Variants in SBSPON observed in about 807,000 individuals in gnomAD.
The protein encoded by SBSPON is somatomedin-B and thrombospondin type-1 domain-containing protein.
In SBSPON, 30 loss-of-function variants were observed where a neutral mutation model predicts 35.8. That is an observed-to-expected ratio of 0.84 (90% CI 0.63 to 1.14). The LOEUF (loss-of-function observed/expected upper bound fraction) is 1.14. Ranked by LOEUF, SBSPON falls within the 50% of genes most tolerant of loss-of-function variation. SBSPON has a pLI of 0.00. For missense variants in SBSPON, 364 were observed against 357.7 expected (o/e 1.02, Z -0.14); for synonymous variants, 136 against 135.9 (o/e 1.00, Z 0.00).
intron 2 of SBSPON, among the ~76,000 whole-genome samples, chr8:73,075,125 T>G (rs181957625): frequency 2.0e-5 from 3 of 152,342 alleles, no homozygotes. Context: ...TCCTTCTGCC[T>G]TGGCTTCCCA....
At chr8:73,072,065 G>C (rs1002124450) in intron 2 of SBSPON, among the ~76,000 whole-genome samples, 195 bp from the exon 3 acceptor site, 1 of 152,190 alleles carries the variant, frequency 6.6e-6, no homozygotes, top group African/African-American at 2.4e-5. Flanking sequence ...TAGGGAGGGG[G>C]CCTGCAGGCC....
rs201734206 is a variant in SBSPON, at chr8:73,071,865, C to T, written c.415G>A (p.Ala139Thr). 1.0e-4 allele frequency: 160 copies of T among 1,602,116 alleles called. No individual in the cohort carries two copies. Among genetic ancestry groups the T allele is most frequent in the Non-Finnish European group, 1.1e-4 (134 of 1,169,316 alleles). ...TTGAATGCAGAGGTAGTTATAAAGGCAGGAACTGGAAAAGGGAGATTTCTG... is the reference window on the plus strand; with the variant it reads ...TTGAATGCAGAGGTAGTTATAAAGGTAGGAACTGGAAAAGGGAGATTTCTG... ...GQDCGHTYVP[A>T]FITTSAFNKE... The change falls in exon 3 of 5, where the codon GCC becomes ACC. Residue 139 changes from alanine (A) to threonine (T), a missense_variant. Physicochemically the swap from Ala to Thr is moderately conservative, Grantham distance 58 (BLOSUM62 0). Coordinates refer to ENST00000297354, the MANE Select transcript of SBSPON (RefSeq NM_153225.4).
Position 73,065,411 on chromosome 8 carries a change from GT to G in SBSPON, c.*1929del, listed in dbSNP as rs1436081096. 1 of 152,054 alleles carries G rather than the reference GT, an allele frequency of 6.6e-6. No individual in the cohort carries two copies. The highest frequency in any genetic ancestry group is 1.5e-5 in the Non-Finnish European group (1 of 68,014). 9.4% of individuals were successfully genotyped at this position (152,054 alleles called of 1,614,324 possible). A position where few individuals can be genotyped will look rare whatever the true frequency, so the allele number is the denominator to read the frequency against. On this transcript the variant is annotated 3_prime_UTR_variant, in exon 5 of 5. Transcript: ENST00000297354. Reference sequence around the variant, plus strand: ...TCTCTGACTGGTCCAGAAAATTTGGGTTATTTTCTAGTCAAACAAATATAGA... The same window carrying G: ...TCTCTGACTGGTCCAGAAAATTTGGGTATTTTCTAGTCAAACAAATATAGA...
In SBSPON at chr8:73,092,876, G is replaced by C. The variant is rs377697367; in HGVS notation, c.192C>G (p.Phe64Leu). 5 of 1,611,694 alleles carry C rather than the reference G, an allele frequency of 3.1e-6. No homozygotes were observed. Among genetic ancestry groups the C allele is most frequent in the African/African-American group, 1.3e-5 (1 of 74,756 alleles). Reference protein sequence around the residue: ...QACRFTGDCCFDYDRACPARP... With the variant: ...QACRFTGDCCLDYDRACPARP... ...CACCTGGGCACGCCCTGTCGTAGTC[G>C]AAGCAGCAGTCCCCGGTGAAGCGAC... The change falls in exon 1 of 5, where the codon TTC becomes TTG. Residue 64 changes from phenylalanine (F) to leucine (L), a missense_variant. Phe to Leu is a conservative substitution (Grantham distance 22). Transcript: ENST00000297354.
At chr8:73,085,729 G>A (rs945185586) in intron 1 of SBSPON, 6 of 152,136 alleles carry the variant, frequency 3.9e-5, no homozygotes, top group African/African-American at 1.4e-4. Flanking sequence ...TTTTCTAGGT[G>A]ATGTCAAATA....
rs1810376962 is a variant in SBSPON, at chr8:73,065,744, A to G, written c.*1597T>C. 6.6e-6 allele frequency: 1 copy of G among 152,128 alleles called. No individual in the cohort carries two copies. Among genetic ancestry groups the G allele is most frequent in the Admixed American group, 6.5e-5 (1 of 15,272 alleles). 9.4% of individuals were successfully genotyped at this position (152,128 alleles called of 1,614,324 possible). A position where few individuals can be genotyped will look rare whatever the true frequency, so the allele number is the denominator to read the frequency against. Reference sequence around the variant, plus strand: ...CAGTGAGCCGAGATGGGGCCACTGCACTCCAGCCTGGGCAACAGAGTGAGA... The same window carrying G: ...CAGTGAGCCGAGATGGGGCCACTGCGCTCCAGCCTGGGCAACAGAGTGAGA... On this transcript the variant is annotated 3_prime_UTR_variant, in exon 5 of 5. Transcript: ENST00000297354.
At chr8:73,087,750 G>T (rs954071265) in intron 1 of SBSPON, among the ~76,000 whole-genome samples, 1 of 152,146 alleles carries the variant, frequency 6.6e-6, no homozygotes, top group African/African-American at 2.4e-5. Context: ...AGCCCATATA[G>T]GCTATTCAAT....
chr8:73,069,173 C>T (rs1810446006), intron 4 of SBSPON, among the ~76,000 whole-genome samples: 1 of 152,176 alleles, frequency 6.6e-6, no homozygotes, highest in Non-Finnish European at 1.5e-5. Flanking sequence ...GGAATCTGCA[C>T]ATTTTACATC....
chr8:73,077,636 C>A (rs1241392937), intron 2 of SBSPON, among the ~76,000 whole-genome samples: 2 of 152,244 alleles, frequency 1.3e-5, no homozygotes, highest in African/African-American at 4.8e-5. Context: ...GTTAATGAAA[C>A]ACATAAGTGA....
Position 73,071,800 on chromosome 8 carries a change from A to G in SBSPON, c.480T>C (p.Ser160=), listed in dbSNP as rs775784915. The change falls in exon 3 of 5, where the codon TCT becomes TCC. Residue 160 remains serine, a synonymous_variant. Transcript: ENST00000297354. The stretch of plus-strand genomic sequence containing the variant: ...ATTACCCAGCATCCTCTGTGTGTGT[A>G]GACCAGTGTGGAGACGTAGCTTGTC... ...RTRQATSPHW[S]THTEDAGYCM... is the part of the protein sequence containing the mutation. The G allele has an allele frequency of 6.2e-7, 1 of 1,605,198 alleles. No homozygotes were observed. The highest frequency in any genetic ancestry group is 8.5e-7 in the Non-Finnish European group (1 of 1,172,174).
chr8:73,082,625 C>T (rs911418492), intron 1 of SBSPON, among the ~76,000 whole-genome samples: 2 of 152,334 alleles, frequency 1.3e-5, no homozygotes, highest in South Asian at 2.1e-4. Flanking sequence ...GAATAAGCCA[C>T]GTTACAGTTC....
At chr8:73,069,625 A>C (rs1317222099) in intron 4 of SBSPON, among the ~76,000 whole-genome samples, 180 bp downstream of exon 4, 1 of 152,102 alleles carries the variant, frequency 6.6e-6, no homozygotes, top group Non-Finnish European at 1.5e-5. Flanking sequence ...TGTGGGTTCC[A>C]TAGTGGGAAC....
At chr8:73,069,777 A>AAGTACTTC in intron 4 of SBSPON, 28 bp downstream of exon 4, 1 of 1,590,588 alleles carries the variant, frequency 6.3e-7, no homozygotes, top group Non-Finnish European at 8.6e-7. Context: ...GTGACAAGAA[A>AAGTACTTC]AGTACTTCAG....
In SBSPON at chr8:73,067,343, A is replaced by G. The variant is rs751517410; in HGVS notation, c.793T>C (p.Ter265GlnextTer4). The change falls in exon 5 of 5, where the codon TAG (stop) becomes CAG (glutamine). Residue 265 changes from the stop codon to glutamine (Q), a stop_lost. Coordinates refer to ENST00000297354, the MANE Select transcript of SBSPON (RefSeq NM_153225.4). Reference sequence around the variant, plus strand: ...TTTGGAAATATTTATATCACCATCTATATAAAAATAAAACTGTGAACAGCT... The same window carrying G: ...TTTGGAAATATTTATATCACCATCTGTATAAAAATAAAACTGTGAACAGCT... ...CPAVHSFIFI[*>Q] The G allele has an allele frequency of 1.8e-5, 27 of 1,482,758 alleles. No individual in the cohort carries two copies. Among genetic ancestry groups the G allele is most frequent in the Admixed American group, 1.7e-4 (10 of 59,706 alleles). The allele number at this position is 1,482,758 out of a possible 1,614,324, so 91.9% of individuals were successfully genotyped here.
In SBSPON at chr8:73,067,288, T is replaced by G; in HGVS notation, c.*53A>C. On this transcript the variant is annotated 3_prime_UTR_variant, in exon 5 of 5. Coordinates refer to ENST00000297354, the MANE Select transcript of SBSPON (RefSeq NM_153225.4). ...AGGTTTAGGAAACATTGAACATGAC[T>G]TGAGAATATTTAGAATGTTTACAAA... The G allele has an allele frequency of 9.1e-7, 1 of 1,101,272 alleles. No individual in the cohort carries two copies. Among genetic ancestry groups the G allele is most frequent in the Non-Finnish European group, 1.4e-6 (1 of 718,968 alleles). The allele number at this position is 1,101,272 out of a possible 1,614,324, so 68.2% of individuals were successfully genotyped here.
intron 2 of SBSPON, among the ~76,000 whole-genome samples, chr8:73,077,067 C>G (rs1342533861): frequency 6.6e-6 from 1 of 152,126 alleles, no homozygotes; most frequent in African/African-American, 2.4e-5. Context: ...CCACCACACC[C>G]AGCTAATATT....
chr8:73,074,571 G>A (rs1461102519), intron 2 of SBSPON: 14 of 984,016 alleles, frequency 1.4e-5, no homozygotes, highest in Middle Eastern at 5.2e-4. Context: ...TCCTCAGGGC[G>A]GCACTCCACT....
intron 2 of SBSPON, among the ~76,000 whole-genome samples, chr8:73,078,601 A>T (rs1369401903): frequency 6.6e-6 from 1 of 152,142 alleles, no homozygotes; most frequent in Admixed American, 6.5e-5. Context: ...ATGGCACAGG[A>T]GTAGGTGGGC....
rs369605172 is a variant in SBSPON, at chr8:73,092,890, C to A, written c.178G>T (p.Gly60Trp). Residue 60 changes from glycine (G) to tryptophan (W), a missense_variant, in exon 1 of 5, where the codon GGG (glycine) becomes TGG (tryptophan). By Grantham distance (184) the Gly-to-Trp change is radical. Transcript: ENST00000297354. ...CFCDQACRFT[G>W]DCCFDYDRAC... ...CTGTCGTAGTCGAAGCAGCAGTCCCCGGTGAAGCGACAGGCTTGGTCGCAG... is the reference window on the plus strand; with the variant it reads ...CTGTCGTAGTCGAAGCAGCAGTCCCAGGTGAAGCGACAGGCTTGGTCGCAG... The A allele has an allele frequency of 1.2e-6, 2 of 1,611,778 alleles. No homozygotes were observed. The highest frequency in any genetic ancestry group is 1.7e-6 in the Non-Finnish European group (2 of 1,179,330).
Sources: allele counts gnomAD v4.1 joint callset (sites outside exome capture counted in the v4.1 genomes callset), GRCh38; gene constraint gnomAD v4.1.1; transcripts MANE v1.5; gene names NCBI Gene and HGNC (gene_info 2026-07-23, HGNC 2026-07-21).